BAALC: variants seen among roughly 807,000 people sequenced by gnomAD.
BAALC encodes the protein BAALC binder of MAP3K1 and KLF4, also known as brain and acute leukemia cytoplasmic protein.
Under a neutral mutation model 15.5 loss-of-function variants are expected in BAALC, and 9 were observed. The ratio of observed to expected loss-of-function variants is 0.58; its 90% CI spans 0.35 to 1.02. The LOEUF (loss-of-function observed/expected upper bound fraction) is 1.02, where lower values mean the gene tolerates loss of function less well. Ranked by LOEUF, BAALC falls within the 50% of genes least tolerant of loss-of-function variation. The pLI is 0.02. For synonymous variants in BAALC, 80 were observed against 74.6 expected (o/e 1.07, Z -0.37); for missense variants, 201 against 192.4 (o/e 1.04, Z -0.27).
intron 1 of BAALC, chr8:103,202,888 A>T (rs546828910): frequency 6.6e-6 from 1 of 152,422 alleles, no homozygotes; most frequent in South Asian, 2.1e-4. Flanking sequence ...GCAAAGGGAG[A>T]GAGGAAAGTA....
rs551034209 is a variant in BAALC, at chr8:103,209,911, G to A, written c.161-3008G>A. ...CAGTTTGGTCCCTGGAGGACACTGA[G>A]TAGCACTATTCTAGGCTCTTCTGTG... is the stretch of plus-strand genomic sequence containing the variant. On this transcript the variant is annotated intron_variant, in intron 1 of 2. Coordinates refer to ENST00000309982, the MANE Select transcript of BAALC (RefSeq NM_024812.3). Among the ~76,000 whole-genome samples the A allele has an allele frequency of 1.4e-4, 21 of 152,324 alleles. No individual in the cohort carries two copies. In the South Asian group the frequency reaches 4.3e-3, roughly 32 times the overall value.
chr8:103,194,950 T>C (rs1812058990), intron 1 of BAALC, among the ~76,000 whole-genome samples: 1 of 152,176 alleles, frequency 6.6e-6, no homozygotes, highest in Non-Finnish European at 1.5e-5. Context: ...CCACCACAGC[T>C]GGGGAGTAAG....
intron 2 of BAALC, among the ~76,000 whole-genome samples, chr8:103,224,108 C>T (rs537188485): frequency 3.4e-5 from 4 of 116,456 alleles, no homozygotes; most frequent in South Asian, 5.8e-4. Context: ...TGTGCTTCTG[C>T]GTGCGTCTGT....
rs188611828 is a variant in BAALC, at chr8:103,160,553, G to A, written c.160+19496G>A. ...AATAGGGACATACAGTTAGATTACT[G>A]TGTTTTAAAGTAAATTGAAATAATT... On this transcript the variant is annotated intron_variant, in intron 1 of 2. Coordinates refer to ENST00000309982, the MANE Select transcript of BAALC (RefSeq NM_024812.3). Among the ~76,000 whole-genome samples the A allele has an allele frequency of 4.2e-4, 64 of 152,280 alleles. No individual in the cohort carries two copies. The East Asian group carries it at 0.01, about 24-fold the overall frequency.
intron 1 of BAALC, among the ~76,000 whole-genome samples, chr8:103,192,375 G>A (rs2130005483): frequency 6.6e-6 from 1 of 152,326 alleles, no homozygotes; most frequent in East Asian, 1.9e-4. Flanking sequence ...TTGATAGTGA[G>A]CTATGTAGTG....
At chr8:103,189,435 T>C (rs910141603) in intron 1 of BAALC, among the ~76,000 whole-genome samples, 4 of 152,266 alleles carry the variant, frequency 2.6e-5, no homozygotes, top group Admixed American at 6.5e-5. Context: ...AGATCTTTCT[T>C]CTTTCAGGAT....
chr8:103,206,556 G>C (rs1483347241), intron 1 of BAALC, among the ~76,000 whole-genome samples: 1 of 152,116 alleles, frequency 6.6e-6, no homozygotes, highest in Non-Finnish European at 1.5e-5. Context: ...CTAGAAGCCG[G>C]TGGACAAGAG....
At chr8:103,174,964 T>C (rs965586100) in intron 1 of BAALC, among the ~76,000 whole-genome samples, 2 of 152,216 alleles carry the variant, frequency 1.3e-5, no homozygotes, top group Admixed American at 6.5e-5. Context: ...TAACCACTGC[T>C]AAAGGGGGCT....
At chr8:103,170,908 T>C (rs1811467887) in intron 1 of BAALC, among the ~76,000 whole-genome samples, 1 of 152,242 alleles carries the variant, frequency 6.6e-6, no homozygotes. Flanking sequence ...CTCTATATCA[T>C]TTGTTATCTG....
chr8:103,140,760 C>G lies in BAALC; in HGVS notation c.-138C>G. The G allele has an allele frequency of 7.0e-6, 5 of 716,718 alleles. No individual in the cohort carries two copies. In the South Asian group the frequency reaches 3.4e-4, roughly 49 times the overall value. 44.4% of individuals were successfully genotyped at this position (716,718 alleles called of 1,614,324 possible). A position where few individuals can be genotyped will look rare whatever the true frequency, so the allele number is the denominator to read the frequency against. ...CGGCGGGCACCGCAGGAGCTCCGCG[C>G]GGCTGCAGCGCGGGCGGGAGCGGGG... On this transcript the variant is annotated 5_prime_UTR_variant, in exon 1 of 3. Coordinates refer to ENST00000309982, the MANE Select transcript of BAALC (RefSeq NM_024812.3). The surrounding 1 kb of genome is among the most constrained non-coding windows in gnomAD (Gnocchi z 4.2).
At chr8:103,176,998 G>A (rs1405908503) in intron 1 of BAALC, among the ~76,000 whole-genome samples, 1 of 152,092 alleles carries the variant, frequency 6.6e-6, no homozygotes, top group East Asian at 1.9e-4. Flanking sequence ...CCTGTTGTGG[G>A]AAGAAAATTT....
At chr8:103,169,093 GTTA>G (rs150419159) in intron 1 of BAALC, among the ~76,000 whole-genome samples, 8,737 of 151,738 alleles carry the variant, frequency 0.058, 452 homozygotes, top group African/African-American at 0.14. Flanking sequence ...ATTTTCTCAA[GTTA>G]TTATTATTAT....
At chr8:103,156,346 A>G (rs189679700) in intron 1 of BAALC, among the ~76,000 whole-genome samples, 1 of 152,350 alleles carries the variant, frequency 6.6e-6, no homozygotes, top group Non-Finnish European at 1.5e-5. Context: ...TTTGTTCATC[A>G]AAGTATTAGA....
At chr8:103,219,482 A>T (rs1440537832) in intron 2 of BAALC, 1 of 152,162 alleles carries the variant, frequency 6.6e-6, no homozygotes, top group African/African-American at 2.4e-5. Flanking sequence ...TGCCTTCCTA[A>T]TGTCTGATCT....
intron 2 of BAALC, among the ~76,000 whole-genome samples, chr8:103,222,169 G>T (rs1812690852): frequency 6.6e-6 from 1 of 152,248 alleles, no homozygotes; most frequent in Non-Finnish European, 1.5e-5. Context: ...TGTAGAGGAA[G>T]CTCTTAGATG....
In BAALC at chr8:103,228,364, C is replaced by A. The variant is rs1396774777; in HGVS notation, c.*265C>A. On this transcript the variant is annotated 3_prime_UTR_variant, in exon 3 of 3. Transcript: ENST00000309982. ...TGCAGTTCAGTTTGTCTCTTTGCAACTCCTGTAATACGGTCTGGTGTAAAA... is the reference window on the plus strand; with the variant it reads ...TGCAGTTCAGTTTGTCTCTTTGCAAATCCTGTAATACGGTCTGGTGTAAAA... The A allele has an allele frequency of 2.7e-6, 1 of 375,112 alleles. No homozygotes were observed. Among genetic ancestry groups the A allele is most frequent in the Non-Finnish European group, 4.8e-6 (1 of 207,020 alleles). The allele number at this position is 375,112 out of a possible 1,614,324, so 23.2% of individuals were successfully genotyped here.
In BAALC at chr8:103,230,068, A is replaced by G. The variant is rs527965938; in HGVS notation, c.*1969A>G. The G allele has an allele frequency of 6.6e-6, 1 of 152,276 alleles. No individual in the cohort carries two copies. The highest frequency in any genetic ancestry group is 2.1e-4 in the South Asian group (1 of 4,828). The allele number at this position is 152,276 out of a possible 1,614,324, so 9.4% of individuals were successfully genotyped here. A position where few individuals can be genotyped will look rare whatever the true frequency, so the allele number is the denominator to read the frequency against. The stretch of plus-strand genomic sequence containing the variant: ...CACCTTAAGAAAGTGTCTCTGTTTT[A>G]TATAGAAACACTTTCTCACTTACAG... On this transcript the variant is annotated 3_prime_UTR_variant, in exon 3 of 3. Transcript: ENST00000309982.
chr8:103,180,537 G>T (rs1811703567), intron 1 of BAALC, among the ~76,000 whole-genome samples: 1 of 152,212 alleles, frequency 6.6e-6, no homozygotes, highest in Non-Finnish European at 1.5e-5. Context: ...GGCAGTTACA[G>T]GAAGGAGGCT....
intron 1 of BAALC, among the ~76,000 whole-genome samples, chr8:103,167,223 G>C (rs1811368280): frequency 6.6e-6 from 1 of 152,186 alleles, no homozygotes; most frequent in African/African-American, 2.4e-5. Context: ...TACCCTAAAT[G>C]AATGAATGAA....
Sources: gnomAD v4.1 joint callset for allele counts (sites outside exome capture counted in the v4.1 genomes callset) on GRCh38, gnomAD v4.1.1 for gene constraint, Gnocchi (gnomAD v3.1) non-coding constraint, MANE v1.5 for transcripts, NCBI Gene and HGNC (gene_info 2026-07-23, HGNC 2026-07-21) for gene names.